LYPD6B: variants seen among roughly 807,000 people sequenced by gnomAD.
The protein encoded by LYPD6B is ly6/PLAUR domain-containing protein 6B.
A neutral mutation model predicts 22.8 loss-of-function variants in LYPD6B; 17 were observed. That is an observed-to-expected ratio of 0.75 (90% CI 0.51 to 1.12). The LOEUF (loss-of-function observed/expected upper bound fraction) is 1.12, where lower values mean the gene tolerates loss of function less well. Among genes scored for constraint, LYPD6B ranks in the 50% most tolerant of loss-of-function variants. LYPD6B has a pLI of 0.00. For missense variants in LYPD6B, 221 were observed against 258.3 expected (o/e 0.86, Z 0.99); for synonymous variants, 106 against 91.6 (o/e 1.16, Z -0.90).
At chr2:149,208,803 G>A (rs1471349947) in intron 5 of LYPD6B, among the ~76,000 whole-genome samples, 2 of 152,108 alleles carry the variant, frequency 1.3e-5, no homozygotes, top group Non-Finnish European at 2.9e-5. Flanking sequence ...AGTTTGTTTA[G>A]TTTACAGATA....
chr2:149,042,205 ATAAC>A (rs1440822479), intron 1 of LYPD6B, among the ~76,000 whole-genome samples: 1 of 152,252 alleles, frequency 6.6e-6, no homozygotes, highest in African/African-American at 2.4e-5. Context: ...CCAAAGAGCG[ATAAC>A]TTTGGTAGTT....
intron 2 of LYPD6B, among the ~76,000 whole-genome samples, chr2:149,132,596 C>T (rs777967559): frequency 6.6e-6 from 1 of 151,938 alleles, no homozygotes; most frequent in Non-Finnish European, 1.5e-5. Flanking sequence ...GCTTTGAAGC[C>T]TTTTTAGTGC....
chr2:149,102,978 T>A (rs1295989674), intron 1 of LYPD6B, among the ~76,000 whole-genome samples: 1 of 152,192 alleles, frequency 6.6e-6, no homozygotes, highest in African/African-American at 2.4e-5. Flanking sequence ...TATATGTCCC[T>A]CTGTGTCCGT....
At chr2:149,097,363 A>G (rs556935523) in intron 1 of LYPD6B, among the ~76,000 whole-genome samples, 1 of 152,386 alleles carries the variant, frequency 6.6e-6, no homozygotes, top group Non-Finnish European at 1.5e-5. Flanking sequence ...CCTTTTGTGT[A>G]CACCATACCT....
intron 2 of LYPD6B, among the ~76,000 whole-genome samples, chr2:149,133,049 A>G (rs146490786): frequency 6.6e-5 from 10 of 152,222 alleles, no homozygotes; most frequent in Admixed American, 3.3e-4. Flanking sequence ...TCTCATTTCT[A>G]TGTGCATCTG....
At chr2:149,050,956 C>A (rs932787281) in intron 1 of LYPD6B, among the ~76,000 whole-genome samples, 23 of 151,670 alleles carry the variant, frequency 1.5e-4, no homozygotes, top group Non-Finnish European at 1.3e-4. Context: ...ATGTTCACAC[C>A]CCAACCAGAT....
intron 1 of LYPD6B, among the ~76,000 whole-genome samples, chr2:149,089,184 G>A (rs1486813699): frequency 6.6e-6 from 1 of 152,226 alleles, no homozygotes. Context: ...ACATGTGGTG[G>A]AACATGAAAG....
At chr2:149,105,280 A>G (rs1263432014) in intron 1 of LYPD6B, among the ~76,000 whole-genome samples, 2 of 152,200 alleles carry the variant, frequency 1.3e-5, no homozygotes, top group Non-Finnish European at 2.9e-5. Flanking sequence ...TGATTTGGCT[A>G]TTCTGGGTCC....
intron 3 of LYPD6B, among the ~76,000 whole-genome samples, chr2:149,197,287 G>T (rs560827971): frequency 3.3e-5 from 5 of 152,310 alleles, no homozygotes; most frequent in Admixed American, 2.6e-4. Context: ...ACCGAGGCGG[G>T]CAGATCACAA....
At chr2:149,073,257 C>T (rs1367848363) in intron 1 of LYPD6B, among the ~76,000 whole-genome samples, 1 of 152,320 alleles carries the variant, frequency 6.6e-6, no homozygotes. Flanking sequence ...ATCTCTTGGT[C>T]TCTGACCCAT....
At chr2:149,087,633 C>T (rs1685459440) in intron 1 of LYPD6B, among the ~76,000 whole-genome samples, 1 of 152,132 alleles carries the variant, frequency 6.6e-6, no homozygotes, top group African/African-American at 2.4e-5. Context: ...ATATCTGAGG[C>T]ACTTTGCCAG....
At chr2:149,207,959 G>A (rs986291443) in intron 4 of LYPD6B, among the ~76,000 whole-genome samples, 1 of 151,948 alleles carries the variant, frequency 6.6e-6, no homozygotes, top group African/African-American at 2.4e-5. Context: ...TTCTTTTCAG[G>A]GATGACACGT....
intron 1 of LYPD6B, among the ~76,000 whole-genome samples, chr2:149,083,157 G>A (rs1259667476): frequency 1.3e-5 from 2 of 152,296 alleles, no homozygotes; most frequent in Admixed American, 6.5e-5. Context: ...AAAGGAAAGC[G>A]CTTCATGCAT....
At chr2:149,190,048 G>T (rs901735792) in intron 3 of LYPD6B, among the ~76,000 whole-genome samples, 2 of 152,098 alleles carry the variant, frequency 1.3e-5, no homozygotes, top group Non-Finnish European at 2.9e-5. Flanking sequence ...GTTATACTCT[G>T]AGAAGTCCCT....
chr2:149,126,117 C>T (rs753679696), intron 1 of LYPD6B, among the ~76,000 whole-genome samples: 12 of 152,198 alleles, frequency 7.9e-5, no homozygotes, highest in Non-Finnish European at 1.3e-4. Context: ...TAACTACTAT[C>T]TTCTGACTTC....
At chr2:149,184,653 C>T (rs1479710666) in intron 3 of LYPD6B, among the ~76,000 whole-genome samples, 1 of 152,128 alleles carries the variant, frequency 6.6e-6, no homozygotes, top group African/African-American at 2.4e-5. Flanking sequence ...CTGTTGTTTT[C>T]CTGATGGAAG....
intron 1 of LYPD6B, among the ~76,000 whole-genome samples, chr2:149,068,363 T>C (rs1349226578): frequency 6.6e-6 from 1 of 152,138 alleles, no homozygotes; most frequent in Non-Finnish European, 1.5e-5. Context: ...CAACTTACCA[T>C]TGAGAGGAAC....
chr2:149,163,081 CCCAGAT>C (rs1690189781), intron 3 of LYPD6B, among the ~76,000 whole-genome samples: 1 of 152,102 alleles, frequency 6.6e-6, no homozygotes, highest in Admixed American at 6.6e-5. Context: ...TTGCCTGGAG[CCCAGAT>C]TCAGCTCTGT....
At position 149,132,086 on chromosome 2, in the gene LYPD6B, A is replaced by G. The variant is rs188479939; in HGVS notation, c.5+1133A>G. Among the ~76,000 whole-genome samples the G allele has an allele frequency of 3.9e-5, 6 of 152,076 alleles. No homozygotes were observed. In the East Asian group the frequency reaches 7.7e-4, roughly 20 times the overall value. The stretch of plus-strand genomic sequence containing the variant: ...GTCCATGCTCCCTTTTTTAAAAGAA[A>G]CACTCATAGGCAAGTCAGGGCTGGT... On this transcript the variant is annotated intron_variant, in intron 2 of 6. Coordinates refer to ENST00000409642, the MANE Select transcript of LYPD6B (RefSeq NM_177964.5).
Sources: gnomAD v4.1 joint callset for allele counts (sites outside exome capture counted in the v4.1 genomes callset) on GRCh38, gnomAD v4.1.1 for gene constraint, MANE v1.5 for transcripts, NCBI Gene and HGNC (gene_info 2026-07-23, HGNC 2026-07-21) for gene names.